The following MCPH1 variants were observed in gnomAD, a reference collection of about 807,000 sequenced individuals.
MCPH1 encodes the protein microcephalin 1, also known as microcephalin.
In MCPH1, 104 loss-of-function variants were observed where a neutral mutation model predicts 84.5. That is an observed-to-expected ratio of 1.23 (90% CI 1.05 to 1.45). MCPH1 has a LOEUF of 1.45. Ranked by LOEUF, MCPH1 falls within the 40% of genes most tolerant of loss-of-function variation. The pLI, the probability that MCPH1 is intolerant of heterozygous loss-of-function variation, is 0.00. For missense variants in MCPH1, 1,498 were observed against 1,005.7 expected (o/e 1.49, Z -6.62); for synonymous variants, 514 against 366.8 (o/e 1.40, Z -4.58).
intron 12 of MCPH1, among the ~76,000 whole-genome samples, chr8:6,514,081 C>G (rs1326867368): frequency 1.3e-5 from 2 of 152,080 alleles, no homozygotes; most frequent in Non-Finnish European, 2.9e-5. Flanking sequence ...ACTTGGGGAG[C>G]CACCAGCAGA....
chr8:6,627,312 T>C (rs1796810225), intron 13 of MCPH1: 2 of 984,492 alleles, frequency 2.0e-6, no homozygotes, highest in South Asian at 4.7e-5. Flanking sequence ...CTGCAGAAGC[T>C]GTGGAGAGTG....
chr8:6,538,835 C>G (rs1820981343), intron 12 of MCPH1, among the ~76,000 whole-genome samples: 1 of 152,174 alleles, frequency 6.6e-6, no homozygotes, highest in African/African-American at 2.4e-5. Flanking sequence ...TAACAACAAG[C>G]AAAACATCCA....
At chr8:6,622,647 G>T (rs558611323) in intron 13 of MCPH1, among the ~76,000 whole-genome samples, 1 of 152,298 alleles carries the variant, frequency 6.6e-6, no homozygotes, top group African/African-American at 2.4e-5. Context: ...GTCTAAGATG[G>T]GGTATCGGCA....
At chr8:6,436,285 G>T (rs1253164947) in intron 5 of MCPH1, 123 bp downstream of exon 5, 2 of 1,105,376 alleles carry the variant, frequency 1.8e-6, no homozygotes, top group Non-Finnish European at 2.5e-6. Context: ...TTTACTCTAT[G>T]AAGGAGAAAA....
intron 12 of MCPH1, among the ~76,000 whole-genome samples, chr8:6,577,152 GC>G (rs1563148866): frequency 6.6e-6 from 1 of 152,194 alleles, no homozygotes; most frequent in East Asian, 1.9e-4. Flanking sequence ...TCAGCCCCGG[GC>G]AAAGGGAATC....
chr8:6,462,729 C>T (rs1806419328), intron 9 of MCPH1, among the ~76,000 whole-genome samples: 2 of 152,154 alleles, frequency 1.3e-5, no homozygotes, highest in Non-Finnish European at 2.9e-5. Context: ...GTGTATAAAA[C>T]AGGAATAATA....
At chr8:6,526,107 A>G (rs1054496046) in intron 12 of MCPH1, among the ~76,000 whole-genome samples, 2 of 152,046 alleles carry the variant, frequency 1.3e-5, no homozygotes, top group African/African-American at 4.8e-5. Flanking sequence ...TGAAGAGAAC[A>G]TTACTAAGTA....
At chr8:6,555,662 C>T (rs755362864) in intron 12 of MCPH1, among the ~76,000 whole-genome samples, 2 of 152,010 alleles carry the variant, frequency 1.3e-5, no homozygotes, top group Non-Finnish European at 2.9e-5. Context: ...GGGGTTTCAT[C>T]GTGTTGGCCA....
chr8:6,534,780 G>A (rs1820200285), intron 12 of MCPH1, among the ~76,000 whole-genome samples: 1 of 152,198 alleles, frequency 6.6e-6, no homozygotes, highest in Non-Finnish European at 1.5e-5. Flanking sequence ...TTTTTAGTGT[G>A]TGTGATCTTT....
intron 9 of MCPH1, among the ~76,000 whole-genome samples, chr8:6,455,625 G>C (rs1805590647): frequency 1.3e-5 from 2 of 152,178 alleles, no homozygotes; most frequent in Admixed American, 1.3e-4. Flanking sequence ...AACTAACCAA[G>C]TCTTGACCTC....
At chr8:6,569,318 G>T (rs562600137) in intron 12 of MCPH1, among the ~76,000 whole-genome samples, 1 of 152,052 alleles carries the variant, frequency 6.6e-6, no homozygotes, top group Non-Finnish European at 1.5e-5. Flanking sequence ...GATCTGTTTC[G>T]ACTCCATTTT....
At position 6,555,048 on chromosome 8, in the gene MCPH1, T is replaced by A. The variant is rs573301734; in HGVS notation, c.2214+55119T>A. Among the ~76,000 whole-genome samples the A allele has an allele frequency of 3.9e-5, 6 of 152,262 alleles. No individual in the cohort carries two copies. The South Asian group carries it at 1.2e-3, about 32-fold the overall frequency. On this transcript the variant is annotated intron_variant, in intron 12 of 13. Coordinates refer to ENST00000344683, the MANE Select transcript of MCPH1 (RefSeq NM_024596.5). ...CTTCCCCTTTTTTTTAAACCACACATAAAACAGTCATTTTAATTCCAACAA... is the reference window on the plus strand; with the variant it reads ...CTTCCCCTTTTTTTTAAACCACACAAAAAACAGTCATTTTAATTCCAACAA...
intron 12 of MCPH1, among the ~76,000 whole-genome samples, chr8:6,505,949 ATGTATATATAAAAACATACATATTCTT>A (rs71213311): frequency 0.59 from 29,686 of 49,982 alleles, 11,324 homozygotes; most frequent in Middle Eastern, 0.87. Context: ...TTCTTTATAT[ATGTATATATAAAAACATACATATTCTT>A]TGTATATATA....
intron 9 of MCPH1, among the ~76,000 whole-genome samples, chr8:6,469,041 A>T (rs1563251490): frequency 6.6e-6 from 1 of 152,070 alleles, no homozygotes. Flanking sequence ...ATAATTTTTT[A>T]AAAATATTAG....
chr8:6,623,769 T>C (rs887153983), intron 13 of MCPH1, among the ~76,000 whole-genome samples: 4 of 149,902 alleles, frequency 2.7e-5, no homozygotes, highest in African/African-American at 9.8e-5. Context: ...TACTCTTTTC[T>C]AAATGCCAAG....
chr8:6,558,415 G>A (rs763205797), intron 12 of MCPH1, among the ~76,000 whole-genome samples: 3 of 152,036 alleles, frequency 2.0e-5, no homozygotes, highest in Non-Finnish European at 4.4e-5. Flanking sequence ...TTGAACTCTT[G>A]TTTTTCAATT....
intron 12 of MCPH1, among the ~76,000 whole-genome samples, chr8:6,583,916 C>T (rs4840473): frequency 0.12 from 15,935 of 138,298 alleles, 902 homozygotes; most frequent in Admixed American, 0.16. Context: ...CTAAATTTTG[C>T]ATTTTTACTA....
chr8:6,532,586 A>AG, intron 12 of MCPH1: 1 of 887,572 alleles, frequency 1.1e-6, no homozygotes, highest in East Asian at 3.0e-5. Flanking sequence ...AAAAAAAAAA[A>AG]AAAAAATCTA....
intron 12 of MCPH1, among the ~76,000 whole-genome samples, chr8:6,517,037 T>C (rs1370239147): frequency 6.6e-6 from 1 of 152,240 alleles, no homozygotes; most frequent in African/African-American, 2.4e-5. Flanking sequence ...TTGTAAAAAC[T>C]GGAGTATTAT....
Sources: gnomAD v4.1 joint callset for allele counts (sites outside exome capture counted in the v4.1 genomes callset) on GRCh38, gnomAD v4.1.1 for gene constraint, MANE v1.5 for transcripts, NCBI Gene and HGNC (gene_info 2026-07-23, HGNC 2026-07-21) for gene names.